DPH6: variants seen among roughly 807,000 people sequenced by gnomAD.
DPH6 encodes the protein diphthine--ammonia ligase.
DPH6 carries 33 observed loss-of-function variants against 38.2 expected under a neutral mutation model. That is an observed-to-expected ratio of 0.86 (90% CI 0.65 to 1.15). The LOEUF is 1.15. Among genes scored for constraint, DPH6 ranks in the 50% most tolerant of loss-of-function variants. The pLI is 0.00. For synonymous variants in DPH6, 108 were observed against 103.0 expected (o/e 1.05, Z -0.30); for missense variants, 325 against 320.0 (o/e 1.02, Z -0.12).
intron 3 of DPH6, among the ~76,000 whole-genome samples, chr15:35,484,226 C>G (rs1210699598): frequency 2.0e-5 from 3 of 152,108 alleles, no homozygotes; most frequent in South Asian, 4.1e-4. Context: ...ACAAGTTTAG[C>G]AATATATTGA....
intron 3 of DPH6, among the ~76,000 whole-genome samples, chr15:35,224,554 A>C (rs1216643609): frequency 6.6e-6 from 1 of 152,188 alleles, no homozygotes; most frequent in Non-Finnish European, 1.5e-5. Context: ...TTTTTTAATA[A>C]ATGTAAGTTT....
At chr15:35,218,004 T>G (rs925690899) in exon 4 of DPH6, 13 of 152,216 alleles carry the variant, frequency 8.5e-5, no homozygotes, top group Admixed American at 7.2e-4. Context: ...TTTTTTTTAC[T>G]GAGTAATCAC....
chr15:35,314,471 C>A (rs1327807996), intron 3 of DPH6, among the ~76,000 whole-genome samples: 4 of 152,196 alleles, frequency 2.6e-5, no homozygotes, highest in Non-Finnish European at 1.5e-5. Context: ...GCAGCGGAGA[C>A]AACTTGCAAC....
the DPH6 span, among the ~76,000 whole-genome samples, chr15:35,167,544 T>C: frequency 6.9e-6 from 1 of 144,682 alleles, no homozygotes; most frequent in Non-Finnish European, 1.5e-5. Flanking sequence ...GGTATTCTGT[T>C]CCATACAGAG....
chr15:35,470,966 AG>A (rs1262063972), intron 3 of DPH6, among the ~76,000 whole-genome samples: 1 of 152,196 alleles, frequency 6.6e-6, no homozygotes, highest in Non-Finnish European at 1.5e-5. Flanking sequence ...GTGAATTATT[AG>A]AAAAAAAAAT....
chr15:35,525,702 T>C (rs748939366), intron 3 of DPH6, among the ~76,000 whole-genome samples: 1 of 152,016 alleles, frequency 6.6e-6, no homozygotes, highest in African/African-American at 2.4e-5. Flanking sequence ...TAGCCGGCCA[T>C]GGTTGCATGC....
At chr15:35,435,508 G>A (rs920563540) in intron 5 of DPH6, among the ~76,000 whole-genome samples, 1 of 152,212 alleles carries the variant, frequency 6.6e-6, no homozygotes, top group Admixed American at 6.5e-5. Context: ...AAAGCCACCA[G>A]GAATTCATGC....
intron 3 of DPH6, among the ~76,000 whole-genome samples, chr15:35,311,081 A>AACAAC (rs1241168189): frequency 1.4e-5 from 2 of 141,804 alleles, no homozygotes; most frequent in African/African-American, 2.6e-5. Context: ...CAACAACAAC[A>AACAAC]AAAAAAAAAA....
intron 3 of DPH6, among the ~76,000 whole-genome samples, chr15:35,497,391 T>C (rs55900434): frequency 0.16 from 24,123 of 152,184 alleles, 3,575 homozygotes; most frequent in African/African-American, 0.4. Flanking sequence ...TTCTGGAAAC[T>C]AGCTTTAACA....
chr15:35,261,824 C>CT, intron 3 of DPH6, among the ~76,000 whole-genome samples: 1 of 113,572 alleles, frequency 8.8e-6, no homozygotes, highest in South Asian at 3.0e-4. Context: ...CAGAGCAAGA[C>CT]CCTCTCTTAA....
chr15:35,352,380 T>C (rs544540573), intron 3 of DPH6, among the ~76,000 whole-genome samples: 8 of 152,306 alleles, frequency 5.3e-5, no homozygotes, highest in Non-Finnish European at 7.3e-5. Context: ...GCTGCACCCA[T>C]TAACTCGACC....
At chr15:35,471,110 G>A (rs2054193336) in intron 3 of DPH6, among the ~76,000 whole-genome samples, 1 of 152,176 alleles carries the variant, frequency 6.6e-6, no homozygotes, top group African/African-American at 2.4e-5. Flanking sequence ...TCATAGGGTT[G>A]TGTGAGGCAA....
At chr15:35,272,522 T>C (rs545043522) in intron 3 of DPH6, among the ~76,000 whole-genome samples, 2 of 152,086 alleles carry the variant, frequency 1.3e-5, no homozygotes, top group South Asian at 4.2e-4. Context: ...CCCATGGTGT[T>C]TGGGTCATGG....
At chr15:35,274,012 G>T (rs981865789) in intron 3 of DPH6, among the ~76,000 whole-genome samples, 1 of 152,102 alleles carries the variant, frequency 6.6e-6, no homozygotes, top group Non-Finnish European at 1.5e-5. Context: ...ATACTATAAG[G>T]CTTCAGTAAC....
At chr15:35,211,422 A>G in the DPH6 span, among the ~76,000 whole-genome samples, 2 of 152,180 alleles carry the variant, frequency 1.3e-5, no homozygotes, top group African/African-American at 2.4e-5. Flanking sequence ...GAGCTCACAA[A>G]AGAGTCACAC....
At chr15:35,510,615 C>T (rs1265848735) in intron 3 of DPH6, among the ~76,000 whole-genome samples, 1 of 152,158 alleles carries the variant, frequency 6.6e-6, no homozygotes, top group South Asian at 2.1e-4. Context: ...ATCCTGGGTA[C>T]TCCATCCCTG....
chr15:35,283,380 T>C (rs1566859141), intron 3 of DPH6, among the ~76,000 whole-genome samples: 1 of 151,826 alleles, frequency 6.6e-6, no homozygotes, highest in African/African-American at 2.4e-5. Context: ...CACTGCAAAC[T>C]CCATCTCCCA....
intron 3 of DPH6, among the ~76,000 whole-genome samples, chr15:35,535,327 C>A (rs1056947520): frequency 6.6e-6 from 1 of 151,986 alleles, no homozygotes; most frequent in Non-Finnish European, 1.5e-5. Context: ...AATTTAAAGT[C>A]CTAAATTCAA....
chr15:35,358,871 A>C (rs1339380943), intron 3 of DPH6, among the ~76,000 whole-genome samples: 3 of 152,064 alleles, frequency 2.0e-5, no homozygotes, highest in Non-Finnish European at 4.4e-5. Flanking sequence ...TCCTGCCAGG[A>C]GGTGGCACTT....
Sources: gnomAD v4.1 joint callset for allele counts (sites outside exome capture counted in the v4.1 genomes callset) on GRCh38, gnomAD v4.1.1 for gene constraint, MANE v1.5 for transcripts, NCBI Gene and HGNC (gene_info 2026-07-23, HGNC 2026-07-21) for gene names.